Variants in TIAM1 observed in about 807,000 individuals in gnomAD.
TIAM1 encodes rho guanine nucleotide exchange factor TIAM1.
A neutral mutation model predicts 163.5 loss-of-function variants in TIAM1; 65 were observed. The observed-to-expected ratio is 0.40, with a 90% confidence interval of 0.33 to 0.49. TIAM1 has a LOEUF of 0.49. TIAM1 is among the 20% of genes least tolerant of loss of function. The pLI is 0.77. For synonymous variants in TIAM1, 833 were observed against 810.1 expected (o/e 1.03, Z -0.48); for missense variants, 1,789 against 2,044.7 (o/e 0.87, Z 2.41).
At chr21:31,450,684 T>C (rs142550635) in intron 2 of TIAM1, among the ~76,000 whole-genome samples, 4,765 of 152,238 alleles carry the variant, frequency 0.031, 266 homozygotes, top group African/African-American at 0.11. Context: ...GGACTCACAG[T>C]TCCACATGGC....
rs539821743 is a variant in TIAM1, at chr21:31,535,187, C to T, written c.-422+23740G>A. Among the ~76,000 whole-genome samples the T allele has an allele frequency of 4.6e-5, 7 of 151,876 alleles. No homozygotes were observed. The East Asian group carries it at 1.2e-3, about 25-fold the overall frequency. Reference sequence around the variant, plus strand: ...CACAAGGTCAGGAGTTCGAGACCAGCCTGGCCAATATGGTGAAACCCTGTC... The same window carrying T: ...CACAAGGTCAGGAGTTCGAGACCAGTCTGGCCAATATGGTGAAACCCTGTC... On this transcript the variant is annotated intron_variant, in intron 1 of 28. Coordinates refer to the TIAM1 transcript ENST00000286827.
intron 15 of TIAM1, among the ~76,000 whole-genome samples, chr21:31,172,926 G>C (rs1448784717): frequency 1.3e-5 from 2 of 151,754 alleles, no homozygotes; most frequent in Non-Finnish European, 2.9e-5. Flanking sequence ...TGATTGTTGT[G>C]AACAGGTAAA....
intron 1 of TIAM1, among the ~76,000 whole-genome samples, chr21:31,516,810 C>T (rs1342331673): frequency 6.6e-6 from 1 of 151,824 alleles, no homozygotes; most frequent in East Asian, 1.9e-4. Flanking sequence ...AATCCCAACA[C>T]TTTGGGAGGC....
At chr21:31,484,981 A>C (rs536787064) in intron 1 of TIAM1, among the ~76,000 whole-genome samples, 1 of 152,338 alleles carries the variant, frequency 6.6e-6, no homozygotes, top group South Asian at 2.1e-4. Flanking sequence ...ACAGTCTTCT[A>C]CGAACCAGGA....
intron 2 of TIAM1, among the ~76,000 whole-genome samples, chr21:31,419,194 C>T (rs1010938804): frequency 1.3e-5 from 2 of 152,184 alleles, no homozygotes; most frequent in Non-Finnish European, 2.9e-5. Flanking sequence ...AAGGATGGTA[C>T]TCAGCAAAGG....
chr21:31,531,280 T>G (rs1336117052), intron 1 of TIAM1, among the ~76,000 whole-genome samples: 1 of 152,108 alleles, frequency 6.6e-6, no homozygotes, highest in African/African-American at 2.4e-5. Flanking sequence ...TGAAAAACAG[T>G]GTTTGCTCAG....
At chr21:31,437,402 C>T (rs1283472865) in intron 2 of TIAM1, among the ~76,000 whole-genome samples, 8 of 149,942 alleles carry the variant, frequency 5.3e-5, no homozygotes, top group African/African-American at 7.4e-5. Flanking sequence ...CTCAGTGGGG[C>T]TGAGGTAGGA....
intron 2 of TIAM1, among the ~76,000 whole-genome samples, chr21:31,413,958 C>T (rs2833398): frequency 6.6e-6 from 1 of 152,018 alleles, no homozygotes. Flanking sequence ...GAGCAACCGT[C>T]GTGATGGGAG....
At chr21:31,476,892 C>T (rs752196271) in intron 1 of TIAM1, among the ~76,000 whole-genome samples, 1 of 152,164 alleles carries the variant, frequency 6.6e-6, no homozygotes, top group African/African-American at 2.4e-5. Flanking sequence ...ATTCTGCAAC[C>T]CTTCTGGGCT....
At chr21:31,130,771 A>T in intron 24 of TIAM1, 119 bp downstream of exon 24, 1 of 941,696 alleles carries the variant, frequency 1.1e-6, no homozygotes, top group Non-Finnish European at 1.6e-6. Flanking sequence ...AGCAATGCTT[A>T]AGAAAGAAAA....
intron 2 of TIAM1, among the ~76,000 whole-genome samples, chr21:31,353,355 A>G (rs1361012036): frequency 6.6e-6 from 1 of 152,230 alleles, no homozygotes; most frequent in African/African-American, 2.4e-5. Context: ...AGTCTAAGTG[A>G]GAATTGCGGG....
chr21:31,131,656 A>G lies in TIAM1; in HGVS notation c.3884-708T>C, dbSNP rs2082415224. On this transcript the variant is annotated intron_variant, in intron 23 of 27. Transcript: ENST00000541036. ...AAGGGTAAGTAGAGTTGGCACCCAGAAGGAATAGAAGGGTGACTGACTCCT... is the reference window on the plus strand; with the variant it reads ...AAGGGTAAGTAGAGTTGGCACCCAGGAGGAATAGAAGGGTGACTGACTCCT... Among the ~76,000 whole-genome samples the G allele has an allele frequency of 2.0e-5, 3 of 152,186 alleles. No individual in the cohort carries two copies. In the South Asian group the frequency reaches 6.2e-4, roughly 32 times the overall value.
chr21:31,518,982 G>A (rs1415406314), intron 1 of TIAM1, among the ~76,000 whole-genome samples: 1 of 152,150 alleles, frequency 6.6e-6, no homozygotes, highest in South Asian at 2.1e-4. Context: ...ATCACTTGAG[G>A]TCAGGAGTTC....
At chr21:31,557,068 T>C (rs1386640885) in intron 1 of TIAM1, among the ~76,000 whole-genome samples, 1 of 152,220 alleles carries the variant, frequency 6.6e-6, no homozygotes, top group Non-Finnish European at 1.5e-5. Context: ...GCTTTCCACC[T>C]GGAAGGGTTT....
chr21:31,221,877 C>T (rs775620866), intron 8 of TIAM1, among the ~76,000 whole-genome samples: 5 of 152,130 alleles, frequency 3.3e-5, no homozygotes, highest in Admixed American at 6.5e-5. Context: ...AAATTGGTGT[C>T]CAGGTCTCCA....
intron 2 of TIAM1, among the ~76,000 whole-genome samples, chr21:31,376,050 G>T (rs2284503): frequency 6.6e-6 from 1 of 151,656 alleles, no homozygotes; most frequent in Admixed American, 6.6e-5. Flanking sequence ...AAAAAAAAGA[G>T]TAGAAAAAAA....
At chr21:31,284,881 T>C (rs188014643) in intron 2 of TIAM1, among the ~76,000 whole-genome samples, 1 of 152,096 alleles carries the variant, frequency 6.6e-6, no homozygotes, top group African/African-American at 2.4e-5. Context: ...CCAAGGGACA[T>C]GGCCCAACAT....
At chr21:31,396,926 G>A (rs1285453482) in intron 2 of TIAM1, among the ~76,000 whole-genome samples, 1 of 152,024 alleles carries the variant, frequency 6.6e-6, no homozygotes, top group Non-Finnish European at 1.5e-5. Flanking sequence ...TCCAGCCTGG[G>A]CGACAGAGTG....
chr21:31,429,614 C>A (rs1457403126), intron 2 of TIAM1, among the ~76,000 whole-genome samples: 1 of 152,060 alleles, frequency 6.6e-6, no homozygotes, highest in East Asian at 1.9e-4. Flanking sequence ...GGAGTTTGCA[C>A]AGTATGTGAA....
Sources: allele counts gnomAD v4.1 joint callset (sites outside exome capture counted in the v4.1 genomes callset), GRCh38; gene constraint gnomAD v4.1.1; transcripts MANE v1.5; gene names NCBI Gene and HGNC (gene_info 2026-07-23, HGNC 2026-07-21).